Variants in FHOD3 observed in about 807,000 individuals in gnomAD.
FHOD3 encodes the protein formin homology 2 domain containing 3.
FHOD3 carries 90 observed loss-of-function variants against 173.0 expected under a neutral mutation model. The observed-to-expected ratio is 0.52, with a 90% CI of 0.44 to 0.62. The LOEUF is 0.62. Ranked by LOEUF, FHOD3 falls within the 20% of genes least tolerant of loss-of-function variation. The pLI is 0.00. For synonymous variants in FHOD3, 828 were observed against 823.0 expected (o/e 1.01, Z -0.10); for missense variants, 1,945 against 2,034.7 (o/e 0.96, Z 0.85).
chr18:36,304,664 G>A (rs1245673312), intron 1 of FHOD3, among the ~76,000 whole-genome samples: 1 of 151,852 alleles, frequency 6.6e-6, no homozygotes, highest in East Asian at 1.9e-4. Flanking sequence ...TTATGTTCAG[G>A]GTGTCTTTCT....
chr18:36,652,700 A>G lies in FHOD3; in HGVS notation c.1417A>G (p.Thr473Ala). ...TCTGGTTGGCACTGCAGGCGGGACC[A>G]CCTGGCACAGTGGGTCCTCTGGGTC... ...PLLVGTAGGT[T>A]WHSGSSGSEA... The change falls in exon 12 of 29, where the codon ACC becomes GCC. Residue 473 changes from threonine to alanine, a missense_variant. Thr to Ala is a moderately conservative substitution (Grantham distance 58). Transcript: ENST00000590592. 1 of 1,535,550 alleles carries G rather than the reference A, an allele frequency of 6.5e-7. No individual in the cohort carries two copies. The highest frequency in any genetic ancestry group is 8.7e-7 in the Non-Finnish European group (1 of 1,146,648).
rs532342101 is a variant in FHOD3 at position 36,705,857 on chromosome 18, G to A, written c.2237-3238G>A. On this transcript the variant is annotated intron_variant, in intron 17 of 28. Coordinates refer to ENST00000590592, the MANE Select transcript of FHOD3 (RefSeq NM_001281740.3). Reference sequence around the variant, plus strand: ...CCTACAGGATTATATGGTTTCTCCCGTTTCCTCGGGACTTGGTGGGTATAA... The same window carrying A: ...CCTACAGGATTATATGGTTTCTCCCATTTCCTCGGGACTTGGTGGGTATAA... Among the ~76,000 whole-genome samples the A allele has an allele frequency of 2.5e-4, 38 of 152,082 alleles. 1 individual carries two copies. Among genetic ancestry groups the A allele is most frequent in the East Asian group, 1.5e-3 (8 of 5,172 alleles).
chr18:36,395,523 GTTTTCATAATAATTCTTTT>G (rs1485438291), intron 3 of FHOD3, among the ~76,000 whole-genome samples: 3 of 152,062 alleles, frequency 2.0e-5, no homozygotes, highest in African/African-American at 4.8e-5. Context: ...GTAAAAAAAT[GTTTTCATAATAATTCTTTT>G]TTTTCATAAT....
At chr18:36,634,825 G>A (rs532055372) in intron 10 of FHOD3, among the ~76,000 whole-genome samples, 1 of 143,928 alleles carries the variant, frequency 6.9e-6, no homozygotes, top group African/African-American at 2.7e-5. Context: ...ATATTACTCT[G>A]TTAAGGTAAT....
chr18:36,470,746 C>T (rs1453954797), intron 3 of FHOD3, among the ~76,000 whole-genome samples: 1 of 152,214 alleles, frequency 6.6e-6, no homozygotes, highest in Non-Finnish European at 1.5e-5. Context: ...AGGCTCAGCT[C>T]AGATTCCCGC....
At chr18:36,653,650 A>T (rs2036216384) in intron 13 of FHOD3, among the ~76,000 whole-genome samples, 1 of 152,194 alleles carries the variant, frequency 6.6e-6, no homozygotes, top group Non-Finnish European at 1.5e-5. Flanking sequence ...AGAATGTTCA[A>T]CAGGTGTCCA....
chr18:36,515,687 G>A (rs1267645253), intron 5 of FHOD3, among the ~76,000 whole-genome samples: 1 of 152,184 alleles, frequency 6.6e-6, no homozygotes, highest in Non-Finnish European at 1.5e-5. Context: ...AGAAGGTGAG[G>A]CCCTAGCTGC....
chr18:36,594,918 T>C lies in FHOD3; in HGVS notation c.718+20T>C, dbSNP rs1217880884. On this transcript the variant is annotated intron_variant, in intron 7 of 28. Transcript: ENST00000590592. ...AAAGAGGTGAGTAGTCCCTGCCCCC[T>C]TATGTCATGAAGGTGAAGGTGTCTA... The C allele has an allele frequency of 6.5e-7, 1 of 1,531,100 alleles. No homozygotes were observed. The allele number at this position is 1,531,100 out of a possible 1,614,324, so 94.8% of individuals were successfully genotyped here. A position where few individuals can be genotyped will look rare whatever the true frequency, so the allele number is the denominator to read the frequency against.
At chr18:36,577,194 C>T (rs1344131410) in intron 6 of FHOD3, among the ~76,000 whole-genome samples, 1 of 152,114 alleles carries the variant, frequency 6.6e-6, no homozygotes, top group Non-Finnish European at 1.5e-5. Context: ...TATGTATATG[C>T]ATATTCCTAT....
chr18:36,769,216 T>C, intron 27 of FHOD3, 49 bp from the exon 28 acceptor site: 2 of 1,593,538 alleles, frequency 1.3e-6, no homozygotes, highest in East Asian at 2.2e-5. Flanking sequence ...ATATATCTTT[T>C]GTGTTTTCCT....
Position 36,383,363 on chromosome 18 carries a change from G to T in FHOD3, c.337+10619G>T, listed in dbSNP as rs188823100. The stretch of plus-strand genomic sequence containing the variant: ...CTGTGCTGCGGCTGAGTTATGTTCA[G>T]GCCCCACTGGCTACTGTTATTGAGC... On this transcript the variant is annotated intron_variant, in intron 3 of 28. Transcript: ENST00000590592. Among the ~76,000 whole-genome samples the T allele has an allele frequency of 1.4e-3, 217 of 152,292 alleles. 5 individuals are homozygous for T. The South Asian group carries it at 0.019, about 14-fold the overall frequency.
Position 36,617,407 on chromosome 18 carries a change from T to C in FHOD3, c.957+5312T>C, listed in dbSNP as rs1193509145. Among the ~76,000 whole-genome samples, 4 of 152,240 alleles carry C rather than the reference T, an allele frequency of 2.6e-5. No homozygotes were observed. In the East Asian group the frequency reaches 7.7e-4, roughly 29 times the overall value. The stretch of plus-strand genomic sequence containing the variant: ...TTGACTCTTTGTAGAATATGCCCTT[T>C]TGCTCAGCAGTTTTGAGACCTGTTC... On this transcript the variant is annotated intron_variant, in intron 9 of 28. Transcript: ENST00000590592.
intron 3 of FHOD3, among the ~76,000 whole-genome samples, chr18:36,452,077 A>T (rs542918778): frequency 2.6e-5 from 4 of 152,288 alleles, no homozygotes; most frequent in Middle Eastern, 3.4e-3. Flanking sequence ...CTCCCGACCC[A>T]GTGACCGGCC....
intron 1 of FHOD3, among the ~76,000 whole-genome samples, chr18:36,299,558 T>C (rs1173628979): frequency 6.6e-6 from 1 of 152,186 alleles, no homozygotes; most frequent in Non-Finnish European, 1.5e-5. Context: ...AAACCTTATA[T>C]ACATGGGTTG....
chr18:36,550,001 C>T (rs12971227), intron 5 of FHOD3, among the ~76,000 whole-genome samples: 1 of 151,252 alleles, frequency 6.6e-6, no homozygotes, highest in Non-Finnish European at 1.5e-5. Flanking sequence ...AGTTTTATGT[C>T]GTTCATTTTT....
Position 36,735,772 on chromosome 18 carries a change from A to G in FHOD3, c.3577-4884A>G, listed in dbSNP as rs140924113. ...TCAACTTTCAACTTTGGTCACCAAA[A>G]TCCTTGTGGCAGATGCTTATACAAA... On this transcript the variant is annotated intron_variant, in intron 20 of 28. Coordinates refer to ENST00000590592, the MANE Select transcript of FHOD3 (RefSeq NM_001281740.3). Among the ~76,000 whole-genome samples the G allele has an allele frequency of 9.2e-3, 1,408 of 152,356 alleles. 16 individuals carry two copies. Among genetic ancestry groups the G allele is most frequent in the Non-Finnish European group, 0.014 (944 of 68,040 alleles).
intron 14 of FHOD3, among the ~76,000 whole-genome samples, chr18:36,671,913 G>A (rs1352559404): frequency 2.6e-5 from 4 of 152,210 alleles, no homozygotes; most frequent in Non-Finnish European, 4.4e-5. Flanking sequence ...TTGTGACGAT[G>A]TGCCGAAAGG....
intron 9 of FHOD3, among the ~76,000 whole-genome samples, chr18:36,615,814 G>A (rs542255394): frequency 4.6e-5 from 7 of 152,304 alleles, no homozygotes; most frequent in African/African-American, 1.7e-4. Flanking sequence ...AGAGAGTGAT[G>A]TATAACTCAC....
intron 3 of FHOD3, among the ~76,000 whole-genome samples, chr18:36,473,467 T>A (rs1235264814): frequency 6.6e-6 from 1 of 152,200 alleles, no homozygotes; most frequent in East Asian, 1.9e-4. Flanking sequence ...AACCTACATT[T>A]GTCACCCAAT....
Sources: gnomAD v4.1 joint callset for allele counts (sites outside exome capture counted in the v4.1 genomes callset) on GRCh38, gnomAD v4.1.1 for gene constraint, MANE v1.5 for transcripts, NCBI Gene and HGNC (gene_info 2026-07-23, HGNC 2026-07-21) for gene names.